The following SLC12A4 variants were observed in gnomAD, a reference collection of about 807,000 sequenced individuals.
SLC12A4 encodes solute carrier family 12 member 4.
SLC12A4 carries 84 observed loss-of-function variants against 119.2 expected under a neutral mutation model. The observed-to-expected ratio is 0.70, with a 90% CI of 0.59 to 0.85. SLC12A4 has a LOEUF of 0.85. Among genes scored for constraint, SLC12A4 ranks in the 40% least tolerant of loss-of-function variants. The pLI, the probability that SLC12A4 is intolerant of heterozygous loss-of-function variation, is 0.00. For missense variants in SLC12A4, 1,298 were observed against 1,476.3 expected (o/e 0.88, Z 1.98); for synonymous variants, 599 against 604.6 (o/e 0.99, Z 0.14).
In SLC12A4 at chr16:67,943,511, G is replaced by A; in HGVS notation, c.*1329C>T. 1 of 527,298 alleles carries A rather than the reference G, an allele frequency of 1.9e-6. No homozygotes were observed. The highest frequency in any genetic ancestry group is 3.4e-6 in the Non-Finnish European group (1 of 290,256). 32.7% of individuals were successfully genotyped at this position (527,298 alleles called of 1,614,324 possible). ...CTCCTTTATTGCCAAAGTCCAAGGTGGGAACAGATAGGTCTGGGGGCATGG... is the reference window on the plus strand; with the variant it reads ...CTCCTTTATTGCCAAAGTCCAAGGTAGGAACAGATAGGTCTGGGGGCATGG... On this transcript the variant is annotated 3_prime_UTR_variant, in exon 24 of 24. Transcript: ENST00000316341. The surrounding 1 kb of genome is among the most constrained non-coding windows in gnomAD (Gnocchi z 4.6).
chr16:67,945,574 T>C (rs1174113550), intron 21 of SLC12A4, 21 bp from the exon 22 acceptor site: 1 of 1,608,980 alleles, frequency 6.2e-7, no homozygotes, highest in Admixed American at 1.7e-5. Context: ...TTGCAGGAGA[T>C]AGCCTTGGTC....
In SLC12A4 at chr16:67,950,144, C is replaced by A. The variant is rs1158486521; in HGVS notation, c.1629+175G>T. On this transcript the variant is annotated intron_variant, in intron 12 of 23. Transcript: ENST00000316341. The surrounding 1 kb of genome is among the most constrained non-coding windows in gnomAD (Gnocchi z 4.3). ...TGAAGATTCTGGGTCCAGGCAGCTC[C>A]AGGCCCAGGTGAGTGCCAGGCCCAG... 2.6e-6 allele frequency: 2 copies of A among 771,700 alleles called. No homozygotes were observed. Among genetic ancestry groups the A allele is most frequent in the Non-Finnish European group, 2.0e-6 (1 of 489,390 alleles). The allele number at this position is 771,700 out of a possible 1,614,324, so 47.8% of individuals were successfully genotyped here.
chr16:67,943,611 T>G lies in SLC12A4; in HGVS notation c.*1229A>C. The G allele has an allele frequency of 4.1e-6, 2 of 490,758 alleles. No homozygotes were observed. The highest frequency in any genetic ancestry group is 1.9e-5 in the African/African-American group (1 of 51,724). The allele number at this position is 490,758 out of a possible 1,614,324, so 30.4% of individuals were successfully genotyped here. Reference sequence around the variant, plus strand: ...GATCCTGGGCTGGGCATCTTGTCCTTGGTGGGTGGGGGCCAAGGAAGGAGT... The same window carrying G: ...GATCCTGGGCTGGGCATCTTGTCCTGGGTGGGTGGGGGCCAAGGAAGGAGT... On this transcript the variant is annotated 3_prime_UTR_variant, in exon 24 of 24. Coordinates refer to ENST00000316341, the MANE Select transcript of SLC12A4 (RefSeq NM_005072.5). The surrounding 1 kb of genome is among the most constrained non-coding windows in gnomAD (Gnocchi z 4.6).
Position 67,951,347 on chromosome 16 carries a change from C to G in SLC12A4, c.1133-43G>C. 1 of 1,582,618 alleles carries G rather than the reference C, an allele frequency of 6.3e-7. No homozygotes were observed. Among genetic ancestry groups the G allele is most frequent in the Non-Finnish European group, 8.6e-7 (1 of 1,163,592 alleles). ...TCACCACCACAGCTGCCCCCCACTA[C>G]CCCAGGTAGTTTGGGGCAGCCTAGC... On this transcript the variant is annotated intron_variant, in intron 8 of 23. Coordinates refer to ENST00000316341, the MANE Select transcript of SLC12A4 (RefSeq NM_005072.5). The surrounding 1 kb of genome is among the most constrained non-coding windows in gnomAD (Gnocchi z 5.2).
intron 3 of SLC12A4, among the ~76,000 whole-genome samples, 153 bp downstream of exon 3, chr16:67,961,422 T>TGCTTTAA (rs1402300263): frequency 6.6e-6 from 1 of 152,188 alleles, no homozygotes; most frequent in Non-Finnish European, 1.5e-5. Flanking sequence ...TAAAGCCTCC[T>TGCTTTAA]GAGACAAGGC....
chr16:67,944,563 C>T lies in SLC12A4; in HGVS notation c.*277G>A, dbSNP rs146659875. 43 of 1,301,316 alleles carry T rather than the reference C, an allele frequency of 3.3e-5. No individual in the cohort carries two copies. The African/African-American group carries it at 5.6e-4, about 17-fold the overall frequency. The allele number at this position is 1,301,316 out of a possible 1,614,324, so 80.6% of individuals were successfully genotyped here. On this transcript the variant is annotated 3_prime_UTR_variant, in exon 24 of 24. Transcript: ENST00000316341. The surrounding 1 kb of genome is among the most constrained non-coding windows in gnomAD (Gnocchi z 6.6). The stretch of plus-strand genomic sequence containing the variant: ...GGGCCGGGCCGGCTGCCTTCAAACC[C>T]CACTCGGCCCCTACCAGTCTTCTCT...
Position 67,952,317 on chromosome 16 carries a change from T to A in SLC12A4, c.784A>T (p.Met262Leu). 2 of 1,613,988 alleles carry A rather than the reference T, an allele frequency of 1.2e-6. No homozygotes were observed. The highest frequency in any genetic ancestry group is 1.7e-6 in the Non-Finnish European group (2 of 1,179,990). The change falls in exon 7 of 24, where the codon ATG becomes TTG. Residue 262 changes from methionine (M) to leucine (L), a missense_variant. Transcript: ENST00000316341. ...ACCCCCACAAACACCACCAGGGTCA[T>A]GAAGGTCAGGAAAATGGTCCCATAC... The part of the protein sequence containing the change: ...RVYGTIFLTF[M>L]TLVVFVGVKY...
At chr16:67,945,706 G>C (rs1299264728) in intron 21 of SLC12A4, 58 bp downstream of exon 21, 6 of 1,544,838 alleles carry the variant, frequency 3.9e-6, no homozygotes, top group Non-Finnish European at 4.4e-6. Flanking sequence ...CCACCGATGC[G>C]GTCTCCAAAG....
chr16:67,966,769 C>T, intron 1 of SLC12A4: 1 of 1,551,478 alleles, frequency 6.4e-7, no homozygotes, highest in South Asian at 1.2e-5. Flanking sequence ...TCAGGGTGTC[C>T]CCCATCCTGT....
Position 67,968,628 on chromosome 16 carries a change from G to A in SLC12A4, c.-75C>T, listed in dbSNP as rs1008870377. On this transcript the variant is annotated 5_prime_UTR_variant, in exon 1 of 24. Transcript: ENST00000316341. ...TCCCCGCCGCTGTCCCCGCCGCCCC[G>A]GGCCGACACGCCCCGCCCGCTCGCA... 3.1e-6 allele frequency: 4 copies of A among 1,310,046 alleles called. No individual in the cohort carries two copies. Among genetic ancestry groups the A allele is most frequent in the Admixed American group, 4.2e-5 (1 of 24,020 alleles). 81.2% of individuals were successfully genotyped at this position (1,310,046 alleles called of 1,614,324 possible).
At position 67,968,488 on chromosome 16, in the gene SLC12A4, C is replaced by A. The variant is rs147343289; in HGVS notation, c.66G>T (p.Gly22=). The A allele has an allele frequency of 1.1e-3, 1,689 of 1,586,920 alleles. No individual in the cohort carries two copies. The highest frequency in any genetic ancestry group is 1.3e-3 in the Non-Finnish European group (1,566 of 1,170,748). The change falls in exon 1 of 24, where the codon GGG becomes GGT. Residue 22 remains glycine (G), a synonymous_variant. Transcript: ENST00000316341. Reference sequence around the variant, plus strand: ...GCTCCCCGTAGTCCACCCAACTGAGCCCCTCGAGGTTGTCATAGTCGCCGC... The same window carrying A: ...GCTCCCCGTAGTCCACCCAACTGAGACCCTCGAGGTTGTCATAGTCGCCGC... ...PRRGDYDNLE[G]LSWVDYGERA... is the part of the protein sequence containing the mutation.
chr16:67,946,904 T>C, intron 17 of SLC12A4, 33 bp downstream of exon 17: 1 of 1,604,604 alleles, frequency 6.2e-7, no homozygotes, highest in Non-Finnish European at 8.5e-7. Flanking sequence ...ACCCCTGTAG[T>C]CTGGCTCAGC....
Position 67,947,388 on chromosome 16 carries a change from G to A in SLC12A4, c.2015C>T (p.Ala672Val). Residue 672 changes from alanine to valine, a missense_variant, in exon 16 of 24, where the codon GCT (alanine) becomes GTT (valine). Transcript: ENST00000316341. ...GDGIRGLSLS[A>V]ARYALLRLEE... is the part of the protein sequence containing the mutation. ...CAGCCGCAACAGCGCGTAGCGGGCA[G>A]CGCTCAGGGACAGGCCTCGGATCCC... 6.2e-7 allele frequency: 1 copy of A among 1,612,924 alleles called. No homozygotes were observed. Among genetic ancestry groups the A allele is most frequent in the Non-Finnish European group, 8.5e-7 (1 of 1,179,896 alleles).
chr16:67,960,663 C>A (rs1439045172), intron 3 of SLC12A4, among the ~76,000 whole-genome samples: 1 of 151,492 alleles, frequency 6.6e-6, no homozygotes, highest in East Asian at 1.9e-4. Context: ...TCCCAAACCT[C>A]AGGGAGTCAG....
Position 67,950,008 on chromosome 16 carries a change from G to C in SLC12A4, c.1630-90C>G, listed in dbSNP as rs993841803. The C allele has an allele frequency of 1.5e-5, 16 of 1,053,156 alleles. No homozygotes were observed. Among genetic ancestry groups the C allele is most frequent in the Non-Finnish European group, 2.0e-5 (14 of 691,464 alleles). 65.2% of individuals were successfully genotyped at this position (1,053,156 alleles called of 1,614,324 possible). On this transcript the variant is annotated intron_variant, in intron 12 of 23. Transcript: ENST00000316341. This position sits in a 1 kb window ranked among gnomAD's most constrained non-coding sequence, Gnocchi z 4.3. ...CAGCCTGGCCTCCCTCACCCCCAGG[G>C]CCCGCCTTGGGGGCTCAGGCCGCCC...
chr16:67,946,650 C>A lies in SLC12A4; in HGVS notation c.2242-17G>T. 1 of 1,597,596 alleles carries A rather than the reference C, an allele frequency of 6.3e-7. No homozygotes were observed. Among genetic ancestry groups the A allele is most frequent in the South Asian group, 1.1e-5 (1 of 90,376 alleles). ...CTTGATGGTCTGTGGGGAACACACC[C>A]AGGGCCAATGGGAGGCCATCAGCTT... On this transcript the variant is annotated splice_polypyrimidine_tract_variant and intron_variant, in intron 17 of 23. Coordinates refer to ENST00000316341, the MANE Select transcript of SLC12A4 (RefSeq NM_005072.5).
chr16:67,952,743 C>T (rs1429649812), intron 6 of SLC12A4, among the ~76,000 whole-genome samples: 1 of 150,692 alleles, frequency 6.6e-6, no homozygotes, highest in Non-Finnish European at 1.5e-5. Flanking sequence ...GAGCAGAGAT[C>T]GCACCACTGC....
rs200400607 is a variant in SLC12A4 at position 67,949,896 on chromosome 16, T to C, written c.1652A>G (p.Asn551Ser). The C allele has an allele frequency of 8.4e-5, 136 of 1,611,830 alleles. No homozygotes were observed. The highest frequency in any genetic ancestry group is 1.1e-4 in the Non-Finnish European group (132 of 1,179,026). ...FLRVFGHGKVNGEPTWALLLT... is the reference protein window; with the variant it reads ...FLRVFGHGKVSGEPTWALLLT... ...GAGGAGTGCCCATGTGGGTTCACCATTCACCTTCCCGTGGCCAAACACCTG... is the reference window on the plus strand; with the variant it reads ...GAGGAGTGCCCATGTGGGTTCACCACTCACCTTCCCGTGGCCAAACACCTG... Residue 551 changes from asparagine (N) to serine (S), a missense_variant, in exon 13 of 24, where the codon AAT becomes AGT. Transcript: ENST00000316341. This position sits in a 1 kb window ranked among gnomAD's most constrained non-coding sequence, Gnocchi z 4.6.
chr16:67,944,312 C>G lies in SLC12A4; in HGVS notation c.*528G>C. On this transcript the variant is annotated 3_prime_UTR_variant, in exon 24 of 24. Transcript: ENST00000316341. This position sits in a 1 kb window ranked among gnomAD's most constrained non-coding sequence, Gnocchi z 6.6. ...TCTCTTGGCGCCAGGGGAAACAGAG[C>G]CGGGGCAGCAGGAGGCCCAGAACTA... 5.7e-6 allele frequency: 8 copies of G among 1,404,536 alleles called. No individual in the cohort carries two copies. Among genetic ancestry groups the G allele is most frequent in the Non-Finnish European group, 7.4e-6 (8 of 1,081,208 alleles). The allele number at this position is 1,404,536 out of a possible 1,614,324, so 87.0% of individuals were successfully genotyped here.
Sources: gnomAD v4.1 joint callset for allele counts (sites outside exome capture counted in the v4.1 genomes callset) on GRCh38, gnomAD v4.1.1 for gene constraint, Gnocchi (gnomAD v3.1) non-coding constraint, MANE v1.5 for transcripts, NCBI Gene and HGNC (gene_info 2026-07-23, HGNC 2026-07-21) for gene names.